MON2: variants seen among roughly 807,000 people sequenced by gnomAD.
MON2 encodes the protein protein MON2 homolog.
MON2 carries 84 observed loss-of-function variants against 208.6 expected under a neutral mutation model. The observed-to-expected ratio is 0.40, with a 90% CI of 0.34 to 0.48. The LOEUF (loss-of-function observed/expected upper bound fraction) is 0.48. MON2 is among the 20% of genes least tolerant of loss of function. The pLI, the probability that MON2 is intolerant of heterozygous loss-of-function variation, is 0.59. For synonymous variants in MON2, 660 were observed against 694.0 expected (o/e 0.95, Z 0.77); for missense variants, 1,611 against 2,015.4 (o/e 0.80, Z 3.84).
chr12:62,503,356 T>C (rs183509363), intron 7 of MON2, among the ~76,000 whole-genome samples: 3 of 152,348 alleles, frequency 2.0e-5, no homozygotes, highest in Non-Finnish European at 4.4e-5. Context: ...ACCTTCAAAA[T>C]ATATTCAGGA....
intron 8 of MON2, among the ~76,000 whole-genome samples, chr12:62,523,358 C>A (rs951891280): frequency 6.6e-6 from 1 of 152,170 alleles, no homozygotes; most frequent in African/African-American, 2.4e-5. Flanking sequence ...ATAAGAAAGG[C>A]AACCATGCTT....
intron 1 of MON2, among the ~76,000 whole-genome samples, chr12:62,477,261 G>A (rs1339277553): frequency 6.6e-6 from 1 of 151,994 alleles, no homozygotes; most frequent in Non-Finnish European, 1.5e-5. Context: ...CTTTTTTTGT[G>A]TGTGTAAATC....
chr12:62,551,974 T>A (rs1189587147), intron 23 of MON2, among the ~76,000 whole-genome samples: 2 of 152,238 alleles, frequency 1.3e-5, no homozygotes, highest in Non-Finnish European at 2.9e-5. Context: ...AAAATTTTTT[T>A]TTAAAACAAG....
At chr12:62,548,213 C>T (rs915091820) in intron 22 of MON2, among the ~76,000 whole-genome samples, 1 of 152,158 alleles carries the variant, frequency 6.6e-6, no homozygotes, top group Non-Finnish European at 1.5e-5. Context: ...AGAATGGCTA[C>T]AAGTGCTCAC....
intron 8 of MON2, among the ~76,000 whole-genome samples, chr12:62,522,249 G>T (rs1218319767): frequency 6.6e-6 from 1 of 151,930 alleles, no homozygotes; most frequent in Non-Finnish European, 1.5e-5. Context: ...TTTTTAGAAA[G>T]GAATCAATGA....
chr12:62,532,696 AT>A (rs756939538), intron 12 of MON2, 26 bp downstream of exon 12: 2 of 1,546,100 alleles, frequency 1.3e-6, no homozygotes, highest in Admixed American at 1.7e-5. Flanking sequence ...TTTAATTTTT[AT>A]TGGAAATAAT....
chr12:62,532,382 A>G (rs1302292964), intron 11 of MON2, 56 bp from the exon 12 acceptor site: 13 of 1,227,392 alleles, frequency 1.1e-5, no homozygotes, highest in Admixed American at 5.4e-5. Context: ...AAATAGTTTT[A>G]TGTATTTTTT....
At chr12:62,544,692 T>G (rs1237089121) in intron 20 of MON2, 7 of 1,292,388 alleles carry the variant, frequency 5.4e-6, no homozygotes, top group African/African-American at 1.5e-5. Context: ...ATGAAATCCT[T>G]TCTTCTCTGT....
intron 32 of MON2, among the ~76,000 whole-genome samples, chr12:62,584,705 C>CAAAAAAA (rs1226172058): frequency 1.1e-4 from 8 of 71,370 alleles, no homozygotes; most frequent in Admixed American, 2.0e-4. Context: ...TCTGTCTCAA[C>CAAAAAAA]AAAAAAAAAA....
chr12:62,467,355 G>A (rs201471669), intron 1 of MON2, 37 bp downstream of exon 1: 136 of 1,521,770 alleles, frequency 8.9e-5, no homozygotes, highest in Non-Finnish European at 1.0e-4. Flanking sequence ...GGCACTGTGA[G>A]CATGCCTGGT....
At chr12:62,470,063 C>T (rs899701965) in intron 1 of MON2, among the ~76,000 whole-genome samples, 3 of 151,908 alleles carry the variant, frequency 2.0e-5, no homozygotes, top group South Asian at 2.1e-4. Flanking sequence ...TGCCACCACA[C>T]GCAGCTGATT....
intron 29 of MON2, 112 bp from the exon 30 acceptor site, chr12:62,571,280 C>A: frequency 1.2e-6 from 1 of 822,736 alleles, no homozygotes; most frequent in African/African-American, 1.8e-5. Flanking sequence ...AAATACCATC[C>A]TTTTTAAGAT....
At chr12:62,475,233 TTTG>T (rs1054879680) in intron 1 of MON2, among the ~76,000 whole-genome samples, 3 of 152,078 alleles carry the variant, frequency 2.0e-5, no homozygotes, top group African/African-American at 4.8e-5. Flanking sequence ...TCTTTGTTTT[TTTG>T]TTGTTGTTGT....
intron 7 of MON2, among the ~76,000 whole-genome samples, chr12:62,505,507 AT>A (rs1418059955): frequency 2.0e-5 from 3 of 152,172 alleles, no homozygotes; most frequent in Non-Finnish European, 2.9e-5. Flanking sequence ...GCAGGAACAA[AT>A]CTAAGAGAGT....
At chr12:62,577,715 A>G (rs889979260) in intron 30 of MON2, among the ~76,000 whole-genome samples, 11 of 152,100 alleles carry the variant, frequency 7.2e-5, no homozygotes, top group African/African-American at 2.7e-4. Context: ...TGGGAGATTA[A>G]TACAAATAAA....
chr12:62,592,045 C>T (rs1218483450), intron 34 of MON2, among the ~76,000 whole-genome samples: 1 of 152,110 alleles, frequency 6.6e-6, no homozygotes, highest in Non-Finnish European at 1.5e-5. Flanking sequence ...TTCCTCCCCA[C>T]TCAAGTCTAC....
intron 1 of MON2, among the ~76,000 whole-genome samples, chr12:62,476,085 C>T (rs2069059070): frequency 6.6e-6 from 1 of 152,118 alleles, no homozygotes; most frequent in Non-Finnish European, 1.5e-5. Context: ...TAGTTATATA[C>T]ATGTAATCTG....
chr12:62,548,837 T>A (rs537647724), intron 22 of MON2, among the ~76,000 whole-genome samples: 1 of 152,324 alleles, frequency 6.6e-6, no homozygotes, highest in East Asian at 1.9e-4. Flanking sequence ...ATACTTCTTA[T>A]TATCTTTATT....
chr12:62,566,353 T>C lies in MON2; in HGVS notation c.4226T>C (p.Phe1409Ser). Residue 1409 changes from phenylalanine to serine, a missense_variant, in exon 29 of 35, where the codon TTT becomes TCT. Coordinates refer to ENST00000393630, the MANE Select transcript of MON2 (RefSeq NM_015026.3). The stretch of plus-strand genomic sequence containing the variant: ...TGGGTAGCCTTGAATTATGTGCCGT[T>C]TGCTGAAAGGTCTTTAGAAGTAGTT... ...AEWVALNYVPFAERSLEVVVD... is the reference protein window; with the variant it reads ...AEWVALNYVPSAERSLEVVVD... 6.2e-7 allele frequency: 1 copy of C among 1,613,434 alleles called. No homozygotes were observed. Among genetic ancestry groups the C allele is most frequent in the South Asian group, 1.1e-5 (1 of 90,922 alleles).
Sources: gnomAD v4.1 joint callset for allele counts (sites outside exome capture counted in the v4.1 genomes callset) on GRCh38, gnomAD v4.1.1 for gene constraint, MANE v1.5 for transcripts, NCBI Gene and HGNC (gene_info 2026-07-23, HGNC 2026-07-21) for gene names.